The following MYRIP variants were observed in gnomAD, a reference collection of about 807,000 sequenced individuals.
MYRIP encodes the protein rab effector MyRIP.
In MYRIP, 49 loss-of-function variants were observed where a neutral mutation model predicts 98.0. That is an observed-to-expected ratio of 0.50 (90% CI 0.40 to 0.63). MYRIP has a LOEUF of 0.63. Ranked by LOEUF, MYRIP falls within the 30% of genes least tolerant of loss-of-function variation. The pLI, the probability that MYRIP is intolerant of heterozygous loss-of-function variation, is 0.00. For missense variants in MYRIP, 1,004 were observed against 1,058.2 expected, an observed-to-expected ratio of 0.95 and a Z score of 0.71; for synonymous variants, 404 against 409.5, an observed-to-expected ratio of 0.99 and a Z score of 0.16.
At chr3:39,844,576 T>A (rs562093185) in intron 1 of MYRIP, among the ~76,000 whole-genome samples, 1 of 152,294 alleles carries the variant, frequency 6.6e-6, no homozygotes, top group African/African-American at 2.4e-5. Context: ...GCCTGATTGC[T>A]TATATACCAT....
chr3:39,835,565 A>T (rs1941592816), intron 1 of MYRIP, among the ~76,000 whole-genome samples: 1 of 151,930 alleles, frequency 6.6e-6, no homozygotes, highest in African/African-American at 2.4e-5. Context: ...ATGAGAAAAT[A>T]ACATGCTGCT....
At chr3:39,836,052 A>T (rs146120914) in intron 1 of MYRIP, among the ~76,000 whole-genome samples, 1 of 152,300 alleles carries the variant, frequency 6.6e-6, no homozygotes, top group Non-Finnish European at 1.5e-5. Flanking sequence ...TGCAGTAAAC[A>T]TATGTGTGGA....
At chr3:39,973,971 T>C (rs1295801879) in intron 2 of MYRIP, among the ~76,000 whole-genome samples, 3 of 152,012 alleles carry the variant, frequency 2.0e-5, no homozygotes, top group African/African-American at 7.3e-5. Context: ...ATGGACACCC[T>C]AACATCACAA....
At chr3:39,935,510 T>C (rs1944636646) in intron 2 of MYRIP, among the ~76,000 whole-genome samples, 1 of 152,120 alleles carries the variant, frequency 6.6e-6, no homozygotes, top group Non-Finnish European at 1.5e-5. Flanking sequence ...ACAGGAAAGC[T>C]AGAGGTCTGG....
At chr3:40,162,904 T>C in intron 5 of MYRIP, 94 bp downstream of exon 5, 1 of 1,109,434 alleles carries the variant, frequency 9.0e-7, no homozygotes, top group Non-Finnish European at 1.4e-6. Flanking sequence ...AGATGCATTG[T>C]TACCCCAGAT....
chr3:39,943,500 A>C (rs1944835584), intron 2 of MYRIP, among the ~76,000 whole-genome samples: 1 of 151,692 alleles, frequency 6.6e-6, no homozygotes, highest in Admixed American at 6.6e-5. Flanking sequence ...GGATATCATG[A>C]CTCCATATGC....
chr3:40,160,939 G>A (rs1335507162), intron 4 of MYRIP, among the ~76,000 whole-genome samples: 1 of 152,156 alleles, frequency 6.6e-6, no homozygotes, highest in Non-Finnish European at 1.5e-5. Flanking sequence ...TACCTCAGAT[G>A]GAAATGTAGA....
chr3:39,818,664 G>T (rs1941004940), intron 1 of MYRIP, among the ~76,000 whole-genome samples: 1 of 151,924 alleles, frequency 6.6e-6, no homozygotes, highest in African/African-American at 2.4e-5. Context: ...TTTTGGGGGG[G>T]TATTACATAG....
intron 2 of MYRIP, among the ~76,000 whole-genome samples, chr3:39,969,808 C>A (rs991461335): frequency 2.0e-5 from 3 of 152,052 alleles, no homozygotes; most frequent in African/African-American, 4.8e-5. Context: ...CTCTGTCAGG[C>A]CTTGGTATGA....
chr3:39,863,280 T>C (rs971542449), intron 1 of MYRIP, among the ~76,000 whole-genome samples: 1 of 151,816 alleles, frequency 6.6e-6, no homozygotes, highest in African/African-American at 2.4e-5. Flanking sequence ...CCAAAGCTAG[T>C]AGAAGACAAG....
intron 11 of MYRIP, among the ~76,000 whole-genome samples, chr3:40,217,433 A>G (rs1361703625): frequency 6.6e-6 from 1 of 152,204 alleles, no homozygotes; most frequent in Non-Finnish European, 1.5e-5. Flanking sequence ...TAGGATATCT[A>G]TTAACATTTT....
At chr3:40,170,207 A>T (rs1490691614) in intron 8 of MYRIP, 114 bp downstream of exon 8, 1 of 1,363,458 alleles carries the variant, frequency 7.3e-7, no homozygotes, top group Non-Finnish European at 9.9e-7. Context: ...TTTCAGAAGG[A>T]TGGGGAGCGA....
In MYRIP at chr3:40,081,317, T is replaced by TC. The variant is rs1948474919; in HGVS notation, c.332+37046_332+37047insC. Among the ~76,000 whole-genome samples, 3 of 152,212 alleles carry TC rather than the reference T, an allele frequency of 2.0e-5. No homozygotes were observed. In the South Asian group the frequency reaches 6.2e-4, roughly 31 times the overall value. The stretch of plus-strand genomic sequence containing the variant: ...AATTTTTGACTGCTTGTTATATCAA[T>TC]TACTGAAAAAGGCATTTCAAAATCT... On this transcript the variant is annotated intron_variant, in intron 3 of 16. Transcript: ENST00000302541.
At chr3:40,135,278 T>C (rs545614816) in intron 3 of MYRIP, among the ~76,000 whole-genome samples, 3 of 152,154 alleles carry the variant, frequency 2.0e-5, no homozygotes, top group Admixed American at 6.5e-5. Flanking sequence ...GAAGAAAGGG[T>C]ATCAGTGATG....
In MYRIP at chr3:40,063,323, G is replaced by A. The variant is rs565074830; in HGVS notation, c.332+19052G>A. ...TTATGGATAGTAGGGGAATAGTATT[G>A]TAGTAATTTAAAATTTCCCTGAATT... On this transcript the variant is annotated intron_variant, in intron 3 of 16. Transcript: ENST00000302541. 3.9e-5 allele frequency among the ~76,000 whole-genome samples: 6 copies of A among 152,242 alleles called. No homozygotes were observed. The South Asian group carries it at 1.0e-3, about 26-fold the overall frequency.
chr3:39,874,927 T>G (rs1218053029), intron 1 of MYRIP, among the ~76,000 whole-genome samples: 6 of 152,196 alleles, frequency 3.9e-5, no homozygotes, highest in Non-Finnish European at 7.3e-5. Context: ...TACCAGTTCC[T>G]CCTTGCACCT....
chr3:39,844,597 C>T (rs987004715), intron 1 of MYRIP, among the ~76,000 whole-genome samples: 1 of 152,308 alleles, frequency 6.6e-6, no homozygotes, highest in East Asian at 1.9e-4. Context: ...TACCACTTGA[C>T]AGTGGGAACC....
chr3:39,819,346 C>T (rs1450300603), intron 1 of MYRIP, among the ~76,000 whole-genome samples: 1 of 150,634 alleles, frequency 6.6e-6, no homozygotes, highest in Non-Finnish European at 1.5e-5. Context: ...AAAACTCCAT[C>T]TTAAAAAAAA....
At chr3:40,248,802 C>A (rs767146473) in intron 13 of MYRIP, among the ~76,000 whole-genome samples, 1 of 152,128 alleles carries the variant, frequency 6.6e-6, no homozygotes, top group Non-Finnish European at 1.5e-5. Context: ...GTTCATAAAC[C>A]AAAAGAATGC....
Sources: gnomAD v4.1 joint callset for allele counts (sites outside exome capture counted in the v4.1 genomes callset) on GRCh38, gnomAD v4.1.1 for gene constraint, MANE v1.5 for transcripts, NCBI Gene and HGNC (gene_info 2026-07-23, HGNC 2026-07-21) for gene names.